Variants in ZFAT observed in about 807,000 individuals in gnomAD.
The protein encoded by ZFAT is zinc finger protein ZFAT.
In ZFAT, 64 loss-of-function variants were observed where a neutral mutation model predicts 117.7. That is an observed-to-expected ratio of 0.54 (90% confidence interval 0.44 to 0.67). The LOEUF (loss-of-function observed/expected upper bound fraction) is 0.67, where lower values mean the gene tolerates loss of function less well. ZFAT is among the 30% of genes least tolerant of loss of function. The pLI, the probability that ZFAT is intolerant of heterozygous loss-of-function variation, is 0.00. For synonymous variants in ZFAT, 679 were observed against 615.0 expected, an observed-to-expected ratio of 1.10 and a Z score of -1.54; for missense variants, 1,433 against 1,584.5, an observed-to-expected ratio of 0.90 and a Z score of 1.62.
At position 134,712,989 on chromosome 8, in the gene ZFAT, C is replaced by T; in HGVS notation, c.-126G>A. 2.6e-6 allele frequency: 3 copies of T among 1,175,282 alleles called. No homozygotes were observed. The highest frequency in any genetic ancestry group is 3.4e-6 in the Non-Finnish European group (3 of 892,946). The allele number at this position is 1,175,282 out of a possible 1,614,324, so 72.8% of individuals were successfully genotyped here. The stretch of plus-strand genomic sequence containing the variant: ...TATTTTTATTTTTTTAAGAAAAGAG[C>T]CGGCGAGGTTATGGCGAATCTGCGG... On this transcript the variant is annotated 5_prime_UTR_variant, in exon 1 of 16. Transcript: ENST00000377838.
the ZFAT span, among the ~76,000 whole-genome samples, chr8:134,735,047 A>G: frequency 6.0e-4 from 91 of 152,168 alleles, no homozygotes; most frequent in Admixed American, 2.5e-3. Flanking sequence ...TTCCTACTCT[A>G]TGATTTATTA....
At chr8:134,506,725 A>G (rs1349431418) in intron 15 of ZFAT, among the ~76,000 whole-genome samples, 1 of 152,228 alleles carries the variant, frequency 6.6e-6, no homozygotes, top group Non-Finnish European at 1.5e-5. Context: ...GTATATATCT[A>G]TTTGTTTATG....
chr8:134,817,437 A>ACACACAC, the ZFAT span, among the ~76,000 whole-genome samples: 2 of 83,944 alleles, frequency 2.4e-5, no homozygotes, highest in Non-Finnish European at 5.2e-5. Flanking sequence ...ACACACACAC[A>ACACACAC]ACGCACCCTT....
intron 14 of ZFAT, 28 bp from the exon 15 acceptor site, chr8:134,509,777 C>T: frequency 6.4e-7 from 1 of 1,569,880 alleles, no homozygotes; most frequent in Non-Finnish European, 8.6e-7. Context: ...AAGAGGACAC[C>T]ATTCAGGCCA....
the ZFAT span, among the ~76,000 whole-genome samples, chr8:134,730,642 C>T: frequency 1.3e-5 from 2 of 152,204 alleles, no homozygotes; most frequent in Admixed American, 1.3e-4. Flanking sequence ...TGTGTGCGGA[C>T]ATCTCTTCAA....
chr8:134,638,487 C>T (rs1324794525), intron 2 of ZFAT, among the ~76,000 whole-genome samples: 1 of 148,656 alleles, frequency 6.7e-6, no homozygotes, highest in East Asian at 1.9e-4. Context: ...GGGCGGATCA[C>T]GAGGTCAGGA....
intron 1 of ZFAT, 130 bp downstream of exon 1, chr8:134,712,715 C>G: frequency 1.3e-6 from 1 of 792,216 alleles, no homozygotes. Flanking sequence ...ACCCGGATCC[C>G]TCCGCGGCCG....
chr8:134,641,055 C>T (rs1350284992), intron 2 of ZFAT, among the ~76,000 whole-genome samples: 1 of 152,284 alleles, frequency 6.6e-6, no homozygotes, highest in Admixed American at 6.5e-5. Context: ...CACCCAGATG[C>T]CTGCACACGG....
At chr8:134,732,959 A>G in the ZFAT span, among the ~76,000 whole-genome samples, 1 of 152,172 alleles carries the variant, frequency 6.6e-6, no homozygotes, top group Non-Finnish European at 1.5e-5. Flanking sequence ...AATGTGAACT[A>G]TGGGCTTTAG....
At chr8:134,515,979 T>C (rs1013366572) in intron 13 of ZFAT, among the ~76,000 whole-genome samples, 4 of 152,268 alleles carry the variant, frequency 2.6e-5, no homozygotes, top group Admixed American at 1.3e-4. Flanking sequence ...AATGTTTAAA[T>C]TTCCCCAATT....
chr8:134,494,841 A>C (rs1272145249), intron 15 of ZFAT, among the ~76,000 whole-genome samples: 1 of 152,242 alleles, frequency 6.6e-6, no homozygotes, highest in Non-Finnish European at 1.5e-5. Flanking sequence ...AAAAGAAACT[A>C]TCTCTTCTTG....
At chr8:134,606,747 A>C (rs1041174288) in intron 5 of ZFAT, among the ~76,000 whole-genome samples, 46 of 151,908 alleles carry the variant, frequency 3.0e-4, no homozygotes, top group South Asian at 1.5e-3. Context: ...AAAAAAAAAA[A>C]AGTTTTAAAA....
At chr8:134,584,596 ACT>A (rs1307985112) in intron 9 of ZFAT, among the ~76,000 whole-genome samples, 1 of 152,104 alleles carries the variant, frequency 6.6e-6, no homozygotes, top group African/African-American at 2.4e-5. Context: ...TGGGCTGTTG[ACT>A]CTGACTGTAG....
intron 9 of ZFAT, among the ~76,000 whole-genome samples, chr8:134,586,540 C>T (rs1049495787): frequency 6.6e-6 from 1 of 152,218 alleles, no homozygotes; most frequent in East Asian, 1.9e-4. Flanking sequence ...TTTATAAGCC[C>T]ATGGTCTCCA....
intron 15 of ZFAT, among the ~76,000 whole-genome samples, chr8:134,502,800 C>T (rs1331777482): frequency 6.6e-6 from 1 of 152,258 alleles, no homozygotes; most frequent in East Asian, 1.9e-4. Flanking sequence ...TAATTCTGTG[C>T]TGTGCCCGGC....
chr8:134,566,453 T>C (rs970658097), intron 10 of ZFAT, among the ~76,000 whole-genome samples: 3 of 148,254 alleles, frequency 2.0e-5, no homozygotes, highest in South Asian at 2.2e-4. Context: ...TAATGGGATA[T>C]GTTAAAACAA....
At chr8:134,645,990 C>G (rs940826244) in intron 2 of ZFAT, among the ~76,000 whole-genome samples, 2 of 151,912 alleles carry the variant, frequency 1.3e-5, no homozygotes, top group African/African-American at 4.8e-5. Context: ...ATCACAAGGT[C>G]AGGAGTTTGA....
chr8:134,808,694 T>C, the ZFAT span, among the ~76,000 whole-genome samples: 1 of 152,222 alleles, frequency 6.6e-6, no homozygotes, highest in Non-Finnish European at 1.5e-5. Context: ...TACACTTTAA[T>C]CATCACCATG....
chr8:134,776,177 A>T, the ZFAT span, among the ~76,000 whole-genome samples: 1 of 152,260 alleles, frequency 6.6e-6, no homozygotes. Flanking sequence ...TATAATACTC[A>T]TTTTGTAGAC....
Sources: allele counts gnomAD v4.1 joint callset (sites outside exome capture counted in the v4.1 genomes callset), GRCh38; gene constraint gnomAD v4.1.1; transcripts MANE v1.5; gene names NCBI Gene and HGNC (gene_info 2026-07-23, HGNC 2026-07-21).